Variants in RBFOX1 observed in about 807,000 individuals in gnomAD.
RBFOX1 encodes RNA binding fox-1 homolog 1.
RBFOX1 carries 8 observed loss-of-function variants against 57.7 expected under a neutral mutation model. The observed-to-expected ratio is 0.14, with a 90% CI of 0.08 to 0.25. The LOEUF (loss-of-function observed/expected upper bound fraction) is 0.25, where lower values mean the gene tolerates loss of function less well. Among genes scored for constraint, RBFOX1 ranks in the 10% least tolerant of loss-of-function variants. The probability of loss-of-function intolerance (pLI) is 1.00; values close to 1 mark genes in which losing one functional copy is unlikely to be tolerated. For synonymous variants in RBFOX1, 326 were observed against 222.4 expected (o/e 1.47, Z -4.15); for missense variants, 611 against 548.5 (o/e 1.11, Z -1.14).
intron 4 of RBFOX1, among the ~76,000 whole-genome samples, chr16:7,054,709 TG>T (rs1436293222): frequency 6.6e-6 from 1 of 152,244 alleles, no homozygotes; most frequent in Non-Finnish European, 1.5e-5. Flanking sequence ...GAAGGGTAAC[TG>T]TCTGCAAGCC....
intron 3 of RBFOX1, among the ~76,000 whole-genome samples, chr16:5,865,566 G>A (rs1333417530): frequency 1.3e-5 from 2 of 152,202 alleles, no homozygotes; most frequent in African/African-American, 2.4e-5. Flanking sequence ...CTCCTCATCT[G>A]ATGCCTTGGG....
chr16:6,657,660 C>A (rs888131502), intron 3 of RBFOX1, among the ~76,000 whole-genome samples: 2 of 152,092 alleles, frequency 1.3e-5, no homozygotes, highest in African/African-American at 4.8e-5. Context: ...ATGCTTCTGG[C>A]AAAATCAGTA....
chr16:7,334,587 C>T (rs920752831), intron 4 of RBFOX1, among the ~76,000 whole-genome samples: 4 of 151,992 alleles, frequency 2.6e-5, no homozygotes, highest in African/African-American at 4.8e-5. Flanking sequence ...GATTAAGTGC[C>T]GGTGTAGGAA....
chr16:6,771,068 C>T (rs1267498045), intron 3 of RBFOX1, among the ~76,000 whole-genome samples: 5 of 152,058 alleles, frequency 3.3e-5, no homozygotes, highest in South Asian at 2.1e-4. Flanking sequence ...AGGTTGGGCC[C>T]GAATCCAGTG....
chr16:6,759,226 C>G (rs1307618143), intron 3 of RBFOX1, among the ~76,000 whole-genome samples: 2 of 151,572 alleles, frequency 1.3e-5, no homozygotes, highest in Non-Finnish European at 2.9e-5. Flanking sequence ...CCTTAGCTCA[C>G]TGGAACCTCC....
intron 3 of RBFOX1, among the ~76,000 whole-genome samples, chr16:6,874,347 C>A: frequency 6.6e-6 from 1 of 151,698 alleles, no homozygotes; most frequent in East Asian, 1.9e-4. Context: ...TGCATCTCCA[C>A]TAAAAATACA....
At chr16:6,975,105 G>T (rs947360198) in intron 3 of RBFOX1, among the ~76,000 whole-genome samples, 2 of 152,040 alleles carry the variant, frequency 1.3e-5, no homozygotes, top group African/African-American at 4.8e-5. Context: ...AACACCTCAG[G>T]AGTCAGAGAG....
At chr16:5,645,914 C>T (rs1026541435) in intron 3 of RBFOX1, among the ~76,000 whole-genome samples, 1 of 152,230 alleles carries the variant, frequency 6.6e-6, no homozygotes, top group Non-Finnish European at 1.5e-5. Context: ...TAGCTCACTG[C>T]AGCCTCAAAC....
intron 4 of RBFOX1, among the ~76,000 whole-genome samples, chr16:7,340,060 G>C (rs968718242): frequency 1.3e-5 from 2 of 152,186 alleles, no homozygotes; most frequent in East Asian, 1.9e-4. Context: ...AGATCTTATA[G>C]TCCATGCACA....
intron 3 of RBFOX1, among the ~76,000 whole-genome samples, chr16:6,810,964 T>G (rs1005464575): frequency 6.6e-5 from 10 of 152,146 alleles, no homozygotes; most frequent in African/African-American, 1.7e-4. Flanking sequence ...GTAACAGATA[T>G]TTCACTAAAT....
At chr16:5,869,034 CT>C (rs1280266169) in intron 4 of RBFOX1, among the ~76,000 whole-genome samples, 2 of 152,112 alleles carry the variant, frequency 1.3e-5, no homozygotes, top group African/African-American at 4.8e-5. Flanking sequence ...TGAACTGGGA[CT>C]TAGAAAGGCT....
intron 4 of RBFOX1, among the ~76,000 whole-genome samples, chr16:7,100,714 A>T (rs1037562822): frequency 2.5e-4 from 38 of 152,144 alleles, no homozygotes; most frequent in African/African-American, 8.9e-4. Flanking sequence ...CAAAATGGAC[A>T]AGGGAGAGTG....
chr16:7,074,518 A>G (rs1022437759), intron 4 of RBFOX1, among the ~76,000 whole-genome samples: 1 of 152,202 alleles, frequency 6.6e-6, no homozygotes, highest in Admixed American at 6.5e-5. Context: ...TGAAGAATAG[A>G]ACTAAGGAAC....
intron 5 of RBFOX1, 108 bp from the exon 6 acceptor site, chr16:7,579,669 G>A: frequency 7.3e-7 from 1 of 1,371,604 alleles, no homozygotes; most frequent in South Asian, 1.3e-5. Flanking sequence ...TCCCTTCTCA[G>A]ATTGCTTAGT....
chr16:6,496,973 C>G (rs982243631), intron 2 of RBFOX1, among the ~76,000 whole-genome samples: 1 of 151,968 alleles, frequency 6.6e-6, no homozygotes, highest in East Asian at 1.9e-4. Context: ...GAAAAAAAGA[C>G]AAAAAGAAAA....
intron 1 of RBFOX1, among the ~76,000 whole-genome samples, chr16:6,104,919 A>G (rs756909983): frequency 2.6e-5 from 4 of 152,378 alleles, no homozygotes; most frequent in Non-Finnish European, 4.4e-5. Context: ...GCAATTTTCC[A>G]TTAGGCAAAT....
At chr16:6,709,709 G>A (rs186426066) in intron 3 of RBFOX1, among the ~76,000 whole-genome samples, 23 of 152,146 alleles carry the variant, frequency 1.5e-4, no homozygotes, top group Non-Finnish European at 2.2e-4. Flanking sequence ...ACAGTGTTGC[G>A]GGTTTCGGTG....
At chr16:7,348,813 G>A (rs111918451) in intron 4 of RBFOX1, among the ~76,000 whole-genome samples, 22 of 152,090 alleles carry the variant, frequency 1.4e-4, no homozygotes, top group Non-Finnish European at 1.3e-4. Flanking sequence ...GTGGTGGCAC[G>A]TGCTTGTAAT....
At position 7,362,039 on chromosome 16, in the gene RBFOX1, A is replaced by C. The variant is rs143778643; in HGVS notation, c.28-156108A>C. On this transcript the variant is annotated intron_variant, in intron 4 of 15. Transcript: ENST00000550418. ...TATATGTTTTGTGTGTACATGTGTT[A>C]GTGTGTGTGTTTTGTGTATATGTTA... Among the ~76,000 whole-genome samples the C allele has an allele frequency of 4.0e-3, 589 of 148,276 alleles. 5 individuals are homozygous for C. Among genetic ancestry groups the C allele is most frequent in the African/African-American group, 0.014 (568 of 40,062 alleles).
Sources: gnomAD v4.1 joint callset for allele counts (sites outside exome capture counted in the v4.1 genomes callset) on GRCh38, gnomAD v4.1.1 for gene constraint, MANE v1.5 for transcripts, NCBI Gene and HGNC (gene_info 2026-07-23, HGNC 2026-07-21) for gene names.